Variants in KCNMA1 observed in about 807,000 individuals in gnomAD.
The protein encoded by KCNMA1 is potassium calcium-activated channel subfamily M alpha 1.
KCNMA1 carries 29 observed loss-of-function variants against 140.0 expected under a neutral mutation model. The ratio of observed to expected loss-of-function variants is 0.21; its 90% CI spans 0.15 to 0.28. The LOEUF is 0.28. KCNMA1 is among the 10% of genes least tolerant of loss of function. The probability of loss-of-function intolerance (pLI) is 1.00; values close to 1 mark genes in which losing one functional copy is unlikely to be tolerated. For missense variants in KCNMA1, 880 were observed against 1,602.2 expected (o/e 0.55, Z 7.70); for synonymous variants, 612 against 611.9 (o/e 1.00, Z 0.00).
intron 1 of KCNMA1, among the ~76,000 whole-genome samples, chr10:77,526,010 T>G (rs1235150262): frequency 6.6e-6 from 1 of 152,150 alleles, no homozygotes; most frequent in Non-Finnish European, 1.5e-5. Flanking sequence ...GAGAAAGATT[T>G]TCTCTATATA....
At chr10:77,378,358 G>C (rs1202117520) in intron 2 of KCNMA1, among the ~76,000 whole-genome samples, 1 of 152,222 alleles carries the variant, frequency 6.6e-6, no homozygotes, top group African/African-American at 2.4e-5. Flanking sequence ...GCTAGGAAAA[G>C]TTTCAGATAT....
At chr10:76,920,357 C>T (rs10762736) in intron 23 of KCNMA1, among the ~76,000 whole-genome samples, 57,467 of 151,630 alleles carry the variant, frequency 0.38, 11,859 homozygotes, top group East Asian at 0.83. Flanking sequence ...GTAATAACTT[C>T]GGTTCTCAGA....
chr10:77,025,484 A>G, intron 16 of KCNMA1: 5 of 1,582,114 alleles, frequency 3.2e-6, no homozygotes, highest in Non-Finnish European at 4.3e-6. Flanking sequence ...AAAGAATTTA[A>G]AATCAAACAA....
chr10:77,144,431 C>A (rs907377665), intron 5 of KCNMA1, among the ~76,000 whole-genome samples: 2 of 151,974 alleles, frequency 1.3e-5, no homozygotes, highest in Non-Finnish European at 2.9e-5. Flanking sequence ...GAGGAGAGAG[C>A]AGATATTGAC....
intron 15 of KCNMA1, among the ~76,000 whole-genome samples, chr10:77,035,042 G>A (rs557905596): frequency 2.0e-5 from 3 of 151,968 alleles, no homozygotes; most frequent in Admixed American, 6.6e-5. Context: ...GTGCACCCTC[G>A]CTTTCGCAAG....
intron 23 of KCNMA1, among the ~76,000 whole-genome samples, chr10:76,944,184 C>G (rs939206354): frequency 1.1e-4 from 16 of 152,178 alleles, no homozygotes; most frequent in African/African-American, 3.9e-4. Flanking sequence ...AAGCAAATGA[C>G]AGGAAAGACT....
chr10:77,013,344 T>C (rs1044264970), intron 17 of KCNMA1, among the ~76,000 whole-genome samples: 1 of 152,148 alleles, frequency 6.6e-6, no homozygotes, highest in Non-Finnish European at 1.5e-5. Flanking sequence ...CCAGGACTTC[T>C]GAATCCAAGT....
intron 9 of KCNMA1, among the ~76,000 whole-genome samples, chr10:77,097,702 A>AT (rs1408371653): frequency 9.8e-5 from 15 of 152,330 alleles, no homozygotes; most frequent in South Asian, 4.1e-4. Context: ...TGTTAAAATA[A>AT]TTTTTTTAAA....
chr10:77,115,581 T>G (rs908701299), intron 6 of KCNMA1, among the ~76,000 whole-genome samples: 7 of 152,192 alleles, frequency 4.6e-5, no homozygotes, highest in Non-Finnish European at 8.8e-5. Context: ...CACAGCAGTG[T>G]CCCACCAACA....
At chr10:77,604,808 A>T (rs2083843055) in intron 1 of KCNMA1, among the ~76,000 whole-genome samples, 1 of 152,184 alleles carries the variant, frequency 6.6e-6, no homozygotes, top group South Asian at 2.1e-4. Flanking sequence ...CTAAGTAGGC[A>T]ACTAGAAAAA....
At chr10:77,596,518 C>A (rs2080978868) in intron 1 of KCNMA1, among the ~76,000 whole-genome samples, 1 of 152,160 alleles carries the variant, frequency 6.6e-6, no homozygotes, top group East Asian at 1.9e-4. Context: ...TCCATAACAT[C>A]CGGAGATTGG....
intron 2 of KCNMA1, among the ~76,000 whole-genome samples, chr10:77,313,649 A>T (rs1485223447): frequency 6.6e-6 from 1 of 152,180 alleles, no homozygotes; most frequent in Non-Finnish European, 1.5e-5. Flanking sequence ...TGTCCCTGTA[A>T]CCAAGAGCTC....
intron 1 of KCNMA1, among the ~76,000 whole-genome samples, chr10:77,416,430 C>T (rs1162681750): frequency 6.6e-6 from 1 of 152,202 alleles, no homozygotes; most frequent in African/African-American, 2.4e-5. Context: ...ACTATAACAA[C>T]CTCCCGGGAA....
At chr10:76,882,633 T>A (rs989487823), downstream of KCNMA1, among the ~76,000 whole-genome samples, 3 of 152,202 alleles carry the variant, frequency 2.0e-5, no homozygotes, top group South Asian at 6.2e-4. Flanking sequence ...CTACCATGAC[T>A]CTGTCTCTTT....
chr10:77,615,239 C>G (rs565482891), intron 1 of KCNMA1, among the ~76,000 whole-genome samples: 1 of 152,144 alleles, frequency 6.6e-6, no homozygotes, highest in African/African-American at 2.4e-5. Context: ...TGCCTCTGGT[C>G]CATTCACCAT....
intron 2 of KCNMA1, among the ~76,000 whole-genome samples, chr10:77,284,431 C>T (rs1020278490): frequency 6.6e-6 from 1 of 152,140 alleles, no homozygotes; most frequent in Non-Finnish European, 1.5e-5. Flanking sequence ...TGTAAAACAG[C>T]AGAACCAAAT....
At chr10:77,328,632 A>T (rs974998636) in intron 2 of KCNMA1, among the ~76,000 whole-genome samples, 1 of 152,220 alleles carries the variant, frequency 6.6e-6, no homozygotes. Flanking sequence ...ACGGGTGGTC[A>T]TGACTTTTCT....
chr10:76,969,923 G>A, intron 20 of KCNMA1, 51 bp downstream of exon 20: 1 of 1,422,716 alleles, frequency 7.0e-7, no homozygotes, highest in Non-Finnish European at 9.9e-7. Flanking sequence ...GGCGAGGGGA[G>A]GAAGAGAAGG....
chr10:77,091,491 G>T (rs1451252232), intron 9 of KCNMA1: 1 of 152,212 alleles, frequency 6.6e-6, no homozygotes, highest in Non-Finnish European at 1.5e-5. Context: ...AGCATTTGAT[G>T]CAAGAGTCAG....
Sources: allele counts gnomAD v4.1 joint callset (sites outside exome capture counted in the v4.1 genomes callset), GRCh38; gene constraint gnomAD v4.1.1; transcripts MANE v1.5; gene names NCBI Gene and HGNC (gene_info 2026-07-23, HGNC 2026-07-21).